CLVS1: variants seen among roughly 807,000 people sequenced by gnomAD.
The protein encoded by CLVS1 is clavesin 1, also known as clavesin-1.
In CLVS1, 10 loss-of-function variants were observed where a neutral mutation model predicts 33.1. The ratio of observed to expected loss-of-function variants is 0.30; its 90% CI spans 0.19 to 0.51. The LOEUF is 0.51. CLVS1 is among the 20% of genes least tolerant of loss of function. The pLI, the probability that CLVS1 is intolerant of heterozygous loss-of-function variation, is 0.97. For synonymous variants in CLVS1, 163 were observed against 166.1 expected (o/e 0.98, Z 0.14); for missense variants, 343 against 433.4 (o/e 0.79, Z 1.85).
At chr8:61,057,241 T>C (rs1159553255) in intron 1 of CLVS1, 1 of 152,254 alleles carries the variant, frequency 6.6e-6, no homozygotes, top group Non-Finnish European at 1.5e-5. Flanking sequence ...GTAAGTCAAC[T>C]TAGCTAACCT....
At chr8:61,122,324 T>C (rs548574979) in intron 1 of CLVS1, among the ~76,000 whole-genome samples, 3 of 152,342 alleles carry the variant, frequency 2.0e-5, no homozygotes, top group African/African-American at 7.2e-5. Flanking sequence ...AATAATGTTA[T>C]TGCTGAGCAG....
chr8:61,130,522 G>A (rs1806074183), intron 1 of CLVS1, among the ~76,000 whole-genome samples: 1 of 152,142 alleles, frequency 6.6e-6, no homozygotes. Context: ...CAGATTAGAA[G>A]CCAACAGAAT....
the CLVS1 span, among the ~76,000 whole-genome samples, chr8:61,010,450 G>C: frequency 6.6e-6 from 1 of 152,190 alleles, no homozygotes; most frequent in South Asian, 2.1e-4. Flanking sequence ...ATACTAAAAA[G>C]TTATTCATTG....
intron 3 of CLVS1, among the ~76,000 whole-genome samples, chr8:61,434,472 G>C (rs541396677): frequency 3.7e-4 from 56 of 152,296 alleles, no homozygotes; most frequent in African/African-American, 1.3e-3. Flanking sequence ...GAAGTCCTAA[G>C]AACATGTGCC....
intron 2 of CLVS1, chr8:61,273,915 C>G (rs143380324): frequency 3.8e-5 from 6 of 158,762 alleles, no homozygotes; most frequent in East Asian, 1.9e-4. Context: ...GAGATGAACC[C>G]GGTACCTCAG....
At chr8:61,495,616 A>T (rs955846938) in intron 5 of CLVS1, among the ~76,000 whole-genome samples, 1 of 152,222 alleles carries the variant, frequency 6.6e-6, no homozygotes, top group African/African-American at 2.4e-5. Flanking sequence ...AATGAAATTT[A>T]ATACCCAACC....
At chr8:61,414,878 C>T (rs1054314355) in intron 3 of CLVS1, among the ~76,000 whole-genome samples, 2 of 152,204 alleles carry the variant, frequency 1.3e-5, no homozygotes, top group Non-Finnish European at 2.9e-5. Flanking sequence ...CTAGGTTTTC[C>T]AGCCAGGGAC....
chr8:61,183,198 C>G (rs1807275791), intron 2 of CLVS1, among the ~76,000 whole-genome samples: 1 of 151,988 alleles, frequency 6.6e-6, no homozygotes. Flanking sequence ...GGACAAATAG[C>G]TAATGCATGA....
intron 1 of CLVS1, among the ~76,000 whole-genome samples, chr8:61,069,397 CTT>C (rs1804748558): frequency 7.1e-6 from 1 of 140,192 alleles, no homozygotes; most frequent in South Asian, 2.3e-4. Flanking sequence ...TCCTTTCCTT[CTT>C]TCTCTCTCTC....
At chr8:61,459,468 C>T (rs2129607240) in intron 5 of CLVS1, among the ~76,000 whole-genome samples, 1 of 152,226 alleles carries the variant, frequency 6.6e-6, no homozygotes, top group South Asian at 2.1e-4. Flanking sequence ...GTATACACTG[C>T]ACCATATATG....
chr8:61,177,605 G>A lies in CLVS1; in HGVS notation c.-152+45745G>A, dbSNP rs145510200. Among the ~76,000 whole-genome samples, 11 of 152,156 alleles carry A rather than the reference G, an allele frequency of 7.2e-5. No individual in the cohort carries two copies. In the East Asian group the frequency reaches 2.1e-3, roughly 29 times the overall value. ...CTGGCATCAAGTTGGCGCCCCTCAA[G>A]GTCAGAGATTCCAGAGGAAGGAGCA... is the stretch of plus-strand genomic sequence containing the variant. On this transcript the variant is annotated intron_variant, in intron 2 of 2. Coordinates refer to the CLVS1 transcript ENST00000522621.
chr8:61,016,698 G>A, the CLVS1 span, among the ~76,000 whole-genome samples: 6 of 152,356 alleles, frequency 3.9e-5, no homozygotes, highest in Non-Finnish European at 8.8e-5. Context: ...AAATGTGTGT[G>A]TGCTTGCATT....
In CLVS1 at chr8:61,500,380, A is replaced by G. The variant is rs899018897; in HGVS notation, c.*838A>G. ...TTGCCTCAACTGGGTCACTACAGCAAAGAAAAGTGCTATCAAACCATTTAC... is the reference window on the plus strand; with the variant it reads ...TTGCCTCAACTGGGTCACTACAGCAGAGAAAAGTGCTATCAAACCATTTAC... On this transcript the variant is annotated 3_prime_UTR_variant, in exon 6 of 6. Coordinates refer to ENST00000325897, the MANE Select transcript of CLVS1 (RefSeq NM_173519.3). The G allele has an allele frequency of 7.9e-5, 12 of 152,056 alleles. No homozygotes were observed. The highest frequency in any genetic ancestry group is 2.7e-4 in the African/African-American group (11 of 41,418). The allele number at this position is 152,056 out of a possible 1,614,324, so 9.4% of individuals were successfully genotyped here. A position where few individuals can be genotyped will look rare whatever the true frequency, so the allele number is the denominator to read the frequency against.
intron 2 of CLVS1, among the ~76,000 whole-genome samples, chr8:61,351,436 C>G (rs1454232971): frequency 6.6e-6 from 1 of 151,976 alleles, no homozygotes; most frequent in East Asian, 1.9e-4. Context: ...AATAGAGACT[C>G]AGGCTCCTGT....
At chr8:61,001,961 C>A in the CLVS1 span, among the ~76,000 whole-genome samples, 1 of 151,990 alleles carries the variant, frequency 6.6e-6, no homozygotes, top group Non-Finnish European at 1.5e-5. Flanking sequence ...CTCTTTAAAG[C>A]ATGTTGTGCC....
intron 3 of CLVS1, among the ~76,000 whole-genome samples, chr8:61,415,015 G>T (rs1815375568): frequency 6.6e-6 from 1 of 152,254 alleles, no homozygotes; most frequent in East Asian, 1.9e-4. Context: ...TGGGAAATGG[G>T]AATAGTTAAC....
chr8:61,343,530 T>A (rs1812100111), intron 2 of CLVS1, among the ~76,000 whole-genome samples: 1 of 152,200 alleles, frequency 6.6e-6, no homozygotes, highest in Non-Finnish European at 1.5e-5. Flanking sequence ...GTACTTGTAC[T>A]ACATAATTTG....
intron 2 of CLVS1, among the ~76,000 whole-genome samples, chr8:61,189,771 A>G (rs1412067799): frequency 1.3e-5 from 2 of 152,324 alleles, no homozygotes; most frequent in East Asian, 3.9e-4. Context: ...CAAAAGAGAC[A>G]AAGAAGTCCA....
At chr8:61,279,674 A>C (rs1315108235) in intron 2 of CLVS1, among the ~76,000 whole-genome samples, 1 of 152,236 alleles carries the variant, frequency 6.6e-6, no homozygotes, top group African/African-American at 2.4e-5. Flanking sequence ...ACTACATCAC[A>C]AGAATGTAAT....
Sources: allele counts gnomAD v4.1 joint callset (sites outside exome capture counted in the v4.1 genomes callset), GRCh38; gene constraint gnomAD v4.1.1; transcripts MANE v1.5; gene names NCBI Gene and HGNC (gene_info 2026-07-23, HGNC 2026-07-21).